CACNA2D3: variants seen among roughly 807,000 people sequenced by gnomAD.
The protein encoded by CACNA2D3 is voltage-dependent calcium channel subunit alpha-2/delta-3.
In CACNA2D3, 60 loss-of-function variants were observed where a neutral mutation model predicts 160.6. The observed-to-expected ratio is 0.37, with a 90% CI of 0.30 to 0.46. CACNA2D3 has a LOEUF of 0.46. Ranked by LOEUF, CACNA2D3 falls within the 20% of genes least tolerant of loss-of-function variation. The pLI, the probability that CACNA2D3 is intolerant of heterozygous loss-of-function variation, is 1.00. For synonymous variants in CACNA2D3, 558 were observed against 492.9 expected, an observed-to-expected ratio of 1.13 and a Z score of -1.75; for missense variants, 1,205 against 1,365.0, an observed-to-expected ratio of 0.88 and a Z score of 1.85.
chr3:54,627,770 C>G lies in CACNA2D3; in HGVS notation c.964-17C>G, dbSNP rs1278939458. ...AACAGGACAGACACTAATGGATTTTCTGCTTTGCTGTTTCAGCACTTCAGG... is the reference window on the plus strand; with the variant it reads ...AACAGGACAGACACTAATGGATTTTGTGCTTTGCTGTTTCAGCACTTCAGG... On this transcript the variant is annotated splice_polypyrimidine_tract_variant and intron_variant, in intron 9 of 37. Coordinates refer to ENST00000474759, the MANE Select transcript of CACNA2D3 (RefSeq NM_018398.3). 6.4e-7 allele frequency: 1 copy of G among 1,570,948 alleles called. No homozygotes were observed. Among genetic ancestry groups the G allele is most frequent in the African/African-American group, 1.3e-5 (1 of 74,248 alleles).
At chr3:54,671,548 A>G (rs1420593975) in intron 11 of CACNA2D3, among the ~76,000 whole-genome samples, 6 of 152,194 alleles carry the variant, frequency 3.9e-5, no homozygotes, top group Non-Finnish European at 8.8e-5. Context: ...CTCCTCTATC[A>G]GCCCTCAGCT....
intron 2 of CACNA2D3, among the ~76,000 whole-genome samples, chr3:54,276,209 G>A (rs1702735232): frequency 6.6e-6 from 1 of 152,110 alleles, no homozygotes; most frequent in Admixed American, 6.5e-5. Context: ...GGAGTGAACA[G>A]TCAGCAGGGT....
chr3:54,927,819 A>C (rs1260008315), intron 27 of CACNA2D3: 1 of 1,423,902 alleles, frequency 7.0e-7, no homozygotes, highest in African/African-American at 1.4e-5. Context: ...CGACTTGAAA[A>C]TAGATTTCCC....
At chr3:54,855,809 C>A (rs1326488647) in intron 17 of CACNA2D3, among the ~76,000 whole-genome samples, 1 of 152,196 alleles carries the variant, frequency 6.6e-6, no homozygotes, top group Non-Finnish European at 1.5e-5. Flanking sequence ...ACCAGAGCAG[C>A]CTGACTGATC....
At chr3:54,190,027 A>T (rs1396704508) in intron 2 of CACNA2D3, among the ~76,000 whole-genome samples, 1 of 152,312 alleles carries the variant, frequency 6.6e-6, no homozygotes. Context: ...CCAGTTCTGA[A>T]AGTCCGAGAT....
chr3:54,340,301 A>G (rs1343843295), intron 3 of CACNA2D3, among the ~76,000 whole-genome samples: 1 of 152,178 alleles, frequency 6.6e-6, no homozygotes, highest in Non-Finnish European at 1.5e-5. Context: ...ATTGATATTA[A>G]GTATCCTCAT....
At chr3:54,234,927 G>A (rs1417231056) in intron 2 of CACNA2D3, among the ~76,000 whole-genome samples, 1 of 152,078 alleles carries the variant, frequency 6.6e-6, no homozygotes, top group Non-Finnish European at 1.5e-5. Flanking sequence ...TCATACCTGG[G>A]TGATGAAATA....
At chr3:54,359,065 T>A (rs1698698955) in intron 3 of CACNA2D3, among the ~76,000 whole-genome samples, 1 of 152,128 alleles carries the variant, frequency 6.6e-6, no homozygotes, top group Admixed American at 6.5e-5. Context: ...ATTTCATAAC[T>A]ATGCATTATG....
chr3:54,139,925 A>T lies in CACNA2D3; in HGVS notation c.204+16331A>T, dbSNP rs550541357. 5.9e-5 allele frequency among the ~76,000 whole-genome samples: 9 copies of T among 152,270 alleles called. No individual in the cohort carries two copies. In the South Asian group the frequency reaches 1.9e-3, roughly 32 times the overall value. On this transcript the variant is annotated intron_variant, in intron 2 of 37. Coordinates refer to ENST00000474759, the MANE Select transcript of CACNA2D3 (RefSeq NM_018398.3). ...TGGCTGCTTGGGCCAGACATAAGCA[A>T]TGGAGCTGAGGGGTGAGGTTCCTGA...
At chr3:54,366,447 A>G (rs527245050) in intron 3 of CACNA2D3, among the ~76,000 whole-genome samples, 4 of 152,368 alleles carry the variant, frequency 2.6e-5, no homozygotes, top group African/African-American at 9.6e-5. Flanking sequence ...AGGGCTAGAA[A>G]ATAGTTTGCT....
At chr3:54,973,147 A>G (rs919668499) in intron 29 of CACNA2D3, among the ~76,000 whole-genome samples, 4 of 152,078 alleles carry the variant, frequency 2.6e-5, no homozygotes, top group Non-Finnish European at 5.9e-5. Flanking sequence ...GCCTGAGAAG[A>G]GCTTTGCAAG....
rs530929980 is a variant in CACNA2D3, at chr3:54,174,618, G to A, written c.204+51024G>A. Among the ~76,000 whole-genome samples, 38 of 152,278 alleles carry A rather than the reference G, an allele frequency of 2.5e-4. No individual in the cohort carries two copies. The South Asian group carries it at 2.7e-3, about 11-fold the overall frequency. On this transcript the variant is annotated intron_variant, in intron 2 of 37. Coordinates refer to ENST00000474759, the MANE Select transcript of CACNA2D3 (RefSeq NM_018398.3). ...CAGCTCACTGAAAGCTCCGCCTCCC[G>A]GGTTCGCGCCATTCTCCTGCCTCCG...
intron 2 of CACNA2D3, among the ~76,000 whole-genome samples, chr3:54,277,253 G>T (rs1388539115): frequency 1.3e-5 from 2 of 152,198 alleles, no homozygotes; most frequent in African/African-American, 4.8e-5. Flanking sequence ...GGGTTTTTAT[G>T]GTTTTAGGTC....
rs148931046 is a variant in CACNA2D3 at position 54,919,205 on chromosome 3, G to A, written c.2449+19337G>A. Among the ~76,000 whole-genome samples the A allele has an allele frequency of 2.2e-3, 331 of 152,340 alleles. 1 individual carries two copies. The highest frequency in any genetic ancestry group is 7.5e-3 in the African/African-American group (310 of 41,592). The stretch of plus-strand genomic sequence containing the variant: ...CTGACAAGAAGGCACGCTGGGGGCC[G>A]ATGGTGAGGGCACAGCTGCCCACTG... On this transcript the variant is annotated intron_variant, in intron 27 of 37. Coordinates refer to ENST00000474759, the MANE Select transcript of CACNA2D3 (RefSeq NM_018398.3).
intron 5 of CACNA2D3, among the ~76,000 whole-genome samples, chr3:54,555,805 C>T (rs772268695): frequency 6.6e-6 from 1 of 152,108 alleles, no homozygotes; most frequent in African/African-American, 2.4e-5. Context: ...GAGAAAATGA[C>T]CATGCTATCC....
chr3:54,550,868 G>A (rs540915351), intron 5 of CACNA2D3, among the ~76,000 whole-genome samples: 1 of 152,242 alleles, frequency 6.6e-6, no homozygotes, highest in East Asian at 1.9e-4. Flanking sequence ...GCAAAACCTC[G>A]ACCAACACGT....
At chr3:54,737,223 G>A (rs1033805724) in intron 11 of CACNA2D3, among the ~76,000 whole-genome samples, 7 of 130,036 alleles carry the variant, frequency 5.4e-5, no homozygotes, top group African/African-American at 1.6e-4. Flanking sequence ...TGTGTGTGTA[G>A]GGAACAGAAT....
intron 4 of CACNA2D3, among the ~76,000 whole-genome samples, chr3:54,471,171 C>T (rs1030455269): frequency 8.5e-5 from 13 of 152,156 alleles, no homozygotes; most frequent in African/African-American, 3.1e-4. Flanking sequence ...TAAAACACTC[C>T]TCAGCAAATG....
At chr3:54,652,551 G>T (rs572737680) in intron 11 of CACNA2D3, among the ~76,000 whole-genome samples, 3 of 152,140 alleles carry the variant, frequency 2.0e-5, no homozygotes, top group Non-Finnish European at 4.4e-5. Flanking sequence ...GAGAGGAGCT[G>T]GGTGGGGAAG....
Sources: gnomAD v4.1 joint callset for allele counts (sites outside exome capture counted in the v4.1 genomes callset) on GRCh38, gnomAD v4.1.1 for gene constraint, MANE v1.5 for transcripts, NCBI Gene and HGNC (gene_info 2026-07-23, HGNC 2026-07-21) for gene names.